The following CLEC16A variants were observed in gnomAD, a reference collection of about 807,000 sequenced individuals.
CLEC16A encodes protein CLEC16A.
A neutral mutation model predicts 109.5 loss-of-function variants in CLEC16A; 51 were observed. That is an observed-to-expected ratio of 0.47 (90% CI 0.37 to 0.59). CLEC16A has a LOEUF of 0.59. Among genes scored for constraint, CLEC16A ranks in the 20% least tolerant of loss-of-function variants. The probability of loss-of-function intolerance (pLI) is 0.00; values close to 1 mark genes in which losing one functional copy is unlikely to be tolerated. For synonymous variants in CLEC16A, 673 were observed against 564.2 expected (o/e 1.19, Z -2.73); for missense variants, 1,339 against 1,394.0 (o/e 0.96, Z 0.63).
chr16:11,085,475 T>C (rs1185082332), intron 19 of CLEC16A, among the ~76,000 whole-genome samples: 1 of 152,292 alleles, frequency 6.6e-6, no homozygotes, highest in Non-Finnish European at 1.5e-5. Flanking sequence ...CCTCTTCATC[T>C]TTCTGCGTGT....
At chr16:11,137,156 C>G (rs1182028847) in intron 22 of CLEC16A, among the ~76,000 whole-genome samples, 1 of 151,808 alleles carries the variant, frequency 6.6e-6, no homozygotes, top group Non-Finnish European at 1.5e-5. Context: ...CATAAAATCA[C>G]CCAAGGAAAC....
chr16:11,092,366 AC>A (rs1237494170), intron 19 of CLEC16A, among the ~76,000 whole-genome samples: 1 of 121,862 alleles, frequency 8.2e-6, no homozygotes, highest in African/African-American at 5.0e-5. Context: ...AAACAAACAC[AC>A]ACACACACAC....
intron 2 of CLEC16A, among the ~76,000 whole-genome samples, chr16:10,960,021 C>G (rs2042182643): frequency 3.3e-5 from 5 of 152,128 alleles, no homozygotes; most frequent in Admixed American, 3.3e-4. Context: ...AGTTATCCAA[C>G]AAAGTCCCTA....
At chr16:11,013,838 C>T (rs2045583366) in intron 11 of CLEC16A, among the ~76,000 whole-genome samples, 2 of 152,018 alleles carry the variant, frequency 1.3e-5, no homozygotes, top group African/African-American at 4.8e-5. Context: ...ACTCGGGAGG[C>T]TGAGGCAGGA....
intron 23 of CLEC16A, among the ~76,000 whole-genome samples, chr16:11,176,462 G>A (rs541552633): frequency 3.4e-4 from 52 of 152,194 alleles, no homozygotes; most frequent in African/African-American, 1.1e-3. Context: ...GGCTGGGCAC[G>A]GTGGTTCACA....
chr16:11,022,194 C>T (rs1014567681), intron 12 of CLEC16A, among the ~76,000 whole-genome samples: 1 of 152,112 alleles, frequency 6.6e-6, no homozygotes, highest in African/African-American at 2.4e-5. Flanking sequence ...GACTGAATGC[C>T]GGGTTAGAGA....
In CLEC16A at chr16:10,969,245, T is replaced by C; in HGVS notation, c.428T>C (p.Ile143Thr). 6.2e-7 allele frequency: 1 copy of C among 1,611,156 alleles called. No homozygotes were observed. The highest frequency in any genetic ancestry group is 8.5e-7 in the Non-Finnish European group (1 of 1,177,866). ...FSDEEIMAYY[I>T]SFLKTLSLKL... is the part of the protein sequence containing the mutation. Reference sequence around the variant, plus strand: ...GATGAGGAGATTATGGCCTATTATATATCGTTCCTGAAAACACTTTCGTTA... The same window carrying C: ...GATGAGGAGATTATGGCCTATTATACATCGTTCCTGAAAACACTTTCGTTA... The change falls in exon 4 of 24, where the codon ATA (isoleucine) becomes ACA (threonine). Residue 143 changes from isoleucine to threonine, a missense_variant. By Grantham distance (89) the Ile-to-Thr change is moderately conservative. This residue lies in a region of CLEC16A where 161 missense variants were observed against 267.1 expected (regional missense o/e 0.60). Transcript: ENST00000409790.
intron 22 of CLEC16A, among the ~76,000 whole-genome samples, chr16:11,136,852 C>T (rs966003589): frequency 6.6e-6 from 1 of 152,226 alleles, no homozygotes; most frequent in Non-Finnish European, 1.5e-5. Flanking sequence ...CCCATCTGAG[C>T]CAGGCAGTCC....
chr16:11,063,751 A>T (rs1469127958), intron 19 of CLEC16A, among the ~76,000 whole-genome samples: 1 of 152,118 alleles, frequency 6.6e-6, no homozygotes, highest in Non-Finnish European at 1.5e-5. Context: ...TCTCATGGGG[A>T]GCATTAAAGA....
intron 10 of CLEC16A, among the ~76,000 whole-genome samples, chr16:10,985,220 A>AAAAATAT (rs1555526163): frequency 9.6e-6 from 1 of 104,084 alleles, no homozygotes; most frequent in African/African-American, 4.6e-5. Flanking sequence ...AAAAAAAAAA[A>AAAAATAT]ATATATATAT....
In CLEC16A at chr16:11,126,050, C is replaced by T. The variant is rs2052789776; in HGVS notation, c.2545C>T (p.Gln849Ter). The T allele has an allele frequency of 6.2e-7, 1 of 1,613,826 alleles. No individual in the cohort carries two copies. The highest frequency in any genetic ancestry group is 1.7e-5 in the Admixed American group (1 of 59,994). The change falls in exon 22 of 24, where the codon CAG becomes TAG. Residue 849 changes from glutamine to a stop codon, truncating the protein, a stop_gained. Coordinates refer to ENST00000409790, the MANE Select transcript of CLEC16A (RefSeq NM_015226.3). LOFTEE classifies it high-confidence loss of function. ...GFGLGSSTST[Q>*]HLPFRFYDQG... ...TGGACTCGGCTCCTCCACCTCCACT[C>T]AGCACCTGCCTTTCCGCTTCTACGA...
At position 10,949,190 on chromosome 16, in the gene CLEC16A, C is replaced by T. The variant is rs112474644; in HGVS notation, c.80+4393C>T. On this transcript the variant is annotated intron_variant, in intron 1 of 23. Transcript: ENST00000409790. ...GACGCACACCTACTCTTGGTGCTTT[C>T]AAGTTTTGGCTAAGGTGGCACTGAC... Among the ~76,000 whole-genome samples, 245 of 152,288 alleles carry T rather than the reference C, an allele frequency of 1.6e-3. 3 individuals carry two copies. The highest frequency in any genetic ancestry group is 5.6e-3 in the African/African-American group (232 of 41,558).
In CLEC16A at chr16:11,000,574, C is replaced by G. The variant is rs1045615473; in HGVS notation, c.1072-2500C>G. On this transcript the variant is annotated intron_variant, in intron 10 of 23. Transcript: ENST00000409790. ...TAGGCTGCATTCGATCACCCGGCAT[C>G]CTAAGTGGGCTCTGATGGATGCTGT... is the stretch of plus-strand genomic sequence containing the variant. Among the ~76,000 whole-genome samples, 4 of 152,156 alleles carry G rather than the reference C, an allele frequency of 2.6e-5. No individual in the cohort carries two copies. The East Asian group carries it at 7.7e-4, about 29-fold the overall frequency.
chr16:11,044,854 A>T (rs1158908163), intron 16 of CLEC16A, among the ~76,000 whole-genome samples: 1 of 150,118 alleles, frequency 6.7e-6, no homozygotes, highest in East Asian at 2.0e-4. Flanking sequence ...TGAACTCAGG[A>T]GGCAGAGATT....
intron 19 of CLEC16A, among the ~76,000 whole-genome samples, chr16:11,073,804 A>T (rs2049200709): frequency 6.6e-6 from 1 of 152,256 alleles, no homozygotes. Context: ...CACATAGTAG[A>T]CACTCAAGGC....
intron 1 of CLEC16A, among the ~76,000 whole-genome samples, chr16:10,945,832 C>T (rs1055650512): frequency 6.6e-6 from 1 of 152,202 alleles, no homozygotes; most frequent in Admixed American, 6.5e-5. Flanking sequence ...AGTGCTTCTC[C>T]ACTCTCTGCG....
Position 11,174,316 on chromosome 16 carries a change from A to T in CLEC16A, c.2807-4019A>T, listed in dbSNP as rs1055682187. ...GTGAGCCGCTCGGGCCGCGACGTCC[A>T]CTCGCCACGCTGCATTTCCACAGTC... is the stretch of plus-strand genomic sequence containing the variant. On this transcript the variant is annotated intron_variant, in intron 23 of 23. Transcript: ENST00000409790. This position sits in a 1 kb window ranked among gnomAD's most constrained non-coding sequence, Gnocchi z 4.7. The T allele has an allele frequency of 1.3e-4, 57 of 432,766 alleles. 1 individual carries two copies. In the Admixed American group the frequency reaches 1.4e-3, roughly 10 times the overall value. 26.8% of individuals were successfully genotyped at this position (432,766 alleles called of 1,614,324 possible). A position where few individuals can be genotyped will look rare whatever the true frequency, so the allele number is the denominator to read the frequency against.
intron 22 of CLEC16A, among the ~76,000 whole-genome samples, chr16:11,151,764 T>C (rs1479140610): frequency 6.6e-6 from 1 of 152,172 alleles, no homozygotes; most frequent in African/African-American, 2.4e-5. Context: ...CATGGCAGCC[T>C]GCACCAGCTC....
At chr16:10,946,134 A>G (rs762540387) in intron 1 of CLEC16A, among the ~76,000 whole-genome samples, 15 of 152,318 alleles carry the variant, frequency 9.8e-5, no homozygotes, top group Non-Finnish European at 2.1e-4. Context: ...GGGAGTAGAC[A>G]AATCTTCAGT....
Sources: gnomAD v4.1 joint callset for allele counts (sites outside exome capture counted in the v4.1 genomes callset) on GRCh38, gnomAD v4.1.1 for gene constraint, gnomAD v4.1.1 regional missense constraint, Gnocchi (gnomAD v3.1) non-coding constraint, MANE v1.5 for transcripts, NCBI Gene and HGNC (gene_info 2026-07-23, HGNC 2026-07-21) for gene names.